IGF1R: variants seen among roughly 807,000 people sequenced by gnomAD.
IGF1R encodes the protein insulin-like growth factor 1 receptor.
In IGF1R, 44 loss-of-function variants were observed where a neutral mutation model predicts 144.6. That is an observed-to-expected ratio of 0.30 (90% CI 0.24 to 0.39). IGF1R has a LOEUF of 0.39. IGF1R is among the 10% of genes least tolerant of loss of function. The pLI is 1.00. For synonymous variants in IGF1R, 795 were observed against 722.8 expected, an observed-to-expected ratio of 1.10 and a Z score of -1.60; for missense variants, 1,355 against 1,833.7, an observed-to-expected ratio of 0.74 and a Z score of 4.77.
rs547086851 is a variant in IGF1R at position 98,818,614 on chromosome 15, G to A, written c.641-72711G>A. On this transcript the variant is annotated intron_variant, in intron 2 of 20. Coordinates refer to ENST00000650285, the MANE Select transcript of IGF1R (RefSeq NM_000875.5). ...GGTAGGGGTGCAGTCCTGAACCAGT[G>A]CCAGGTTTCTCAGCATTGGCACTGT... Among the ~76,000 whole-genome samples, 234 of 152,156 alleles carry A rather than the reference G, an allele frequency of 1.5e-3. 2 individuals are homozygous for A. The highest frequency in any genetic ancestry group is 5.3e-3 in the African/African-American group (218 of 41,490).
At chr15:98,817,174 T>C (rs1263059375) in intron 2 of IGF1R, among the ~76,000 whole-genome samples, 2 of 152,012 alleles carry the variant, frequency 1.3e-5, no homozygotes, top group Non-Finnish European at 2.9e-5. Flanking sequence ...TGGTGGCCCA[T>C]GCTTGTAATC....
chr15:98,781,783 G>A (rs1252921171), intron 2 of IGF1R, among the ~76,000 whole-genome samples: 1 of 152,142 alleles, frequency 6.6e-6, no homozygotes, highest in African/African-American at 2.4e-5. Context: ...GGGTACTGGG[G>A]CTATATTGAG....
chr15:98,768,613 T>G (rs2055497189), intron 2 of IGF1R, among the ~76,000 whole-genome samples: 1 of 21,942 alleles, frequency 4.6e-5, no homozygotes, highest in Admixed American at 8.5e-4. Flanking sequence ...AGACTCCATC[T>G]CAAAAAAAAA....
At chr15:98,774,550 T>C (rs1410902936) in intron 2 of IGF1R, among the ~76,000 whole-genome samples, 1 of 152,180 alleles carries the variant, frequency 6.6e-6, no homozygotes, top group African/African-American at 2.4e-5. Flanking sequence ...TGCAACAGCG[T>C]GAATGAACCT....
chr15:98,709,191 T>C (rs1232561939), intron 2 of IGF1R, among the ~76,000 whole-genome samples: 1 of 152,150 alleles, frequency 6.6e-6, no homozygotes, highest in African/African-American at 2.4e-5. Context: ...AAACCCCAAA[T>C]TGTTAGACTT....
chr15:98,924,736 C>T lies in IGF1R; in HGVS notation c.2782+52C>T, dbSNP rs192655711. 5.2e-5 allele frequency: 79 copies of T among 1,532,636 alleles called. No homozygotes were observed. In the East Asian group the frequency reaches 1.6e-3, roughly 30 times the overall value. The allele number at this position is 1,532,636 out of a possible 1,614,324, so 94.9% of individuals were successfully genotyped here. ...GTGGTAAAACTGAAAGCAGGGTGGT[C>T]CAGGATCAGGACAGCCCGAGTGTTC... On this transcript the variant is annotated intron_variant, in intron 13 of 20. Transcript: ENST00000650285.
At chr15:98,782,852 A>G (rs546243832) in intron 2 of IGF1R, among the ~76,000 whole-genome samples, 6 of 152,342 alleles carry the variant, frequency 3.9e-5, no homozygotes, top group African/African-American at 1.2e-4. Flanking sequence ...TTCATAGTAT[A>G]TAATCCTAAA....
At chr15:98,775,183 G>A (rs1439059018) in intron 2 of IGF1R, among the ~76,000 whole-genome samples, 1 of 152,190 alleles carries the variant, frequency 6.6e-6, no homozygotes, top group Non-Finnish European at 1.5e-5. Context: ...AGCTGGGTCA[G>A]GCCAAGTCCT....
At chr15:98,884,145 C>T (rs951146977) in intron 2 of IGF1R, among the ~76,000 whole-genome samples, 1 of 152,130 alleles carries the variant, frequency 6.6e-6, no homozygotes, top group Non-Finnish European at 1.5e-5. Flanking sequence ...TGCTAGGCCC[C>T]TGTGAACGGT....
chr15:98,768,813 A>T (rs1171929310), intron 2 of IGF1R, among the ~76,000 whole-genome samples: 2 of 148,806 alleles, frequency 1.3e-5, no homozygotes, highest in Non-Finnish European at 3.0e-5. Context: ...CTGTAGTCCC[A>T]GCTACTCGGG....
At chr15:98,948,441 G>A (rs888819579) in intron 19 of IGF1R, 133 bp from the exon 20 acceptor site, 17 of 932,374 alleles carry the variant, frequency 1.8e-5, no homozygotes, top group Admixed American at 3.4e-5. Context: ...GGCCTGGCTC[G>A]CTGTCTGACA....
At chr15:98,733,192 A>G (rs918238348) in intron 2 of IGF1R, among the ~76,000 whole-genome samples, 10 of 152,104 alleles carry the variant, frequency 6.6e-5, no homozygotes, top group African/African-American at 2.2e-4. Flanking sequence ...CTCCAATAAA[A>G]GGGGTTGTTT....
At chr15:98,656,866 T>G (rs975588535) in intron 1 of IGF1R, among the ~76,000 whole-genome samples, 3 of 152,270 alleles carry the variant, frequency 2.0e-5, no homozygotes, top group Non-Finnish European at 4.4e-5. Context: ...TGTATACTTT[T>G]GTTCAACCAT....
At position 98,690,257 on chromosome 15, in the gene IGF1R, C is replaced by T. The variant is rs147739946; in HGVS notation, c.95-17305C>T. ...ACTCAGGAGGCTGAGGCAGGAGGAT[C>T]CCTTGAGCCTAAGAGGTCAAGGCTG... On this transcript the variant is annotated intron_variant, in intron 1 of 20. Transcript: ENST00000650285. Among the ~76,000 whole-genome samples, 12 of 152,280 alleles carry T rather than the reference C, an allele frequency of 7.9e-5. 1 individual carries two copies. The East Asian group carries it at 2.3e-3, about 29-fold the overall frequency.
intron 6 of IGF1R, among the ~76,000 whole-genome samples, chr15:98,910,136 A>G (rs2014943683): frequency 6.6e-6 from 1 of 152,118 alleles, no homozygotes; most frequent in Non-Finnish European, 1.5e-5. Flanking sequence ...GGGGGATCTT[A>G]GAGGGAAGCA....
chr15:98,954,487 G>A (rs560973047), intron 20 of IGF1R: 6 of 152,282 alleles, frequency 3.9e-5, no homozygotes, highest in Admixed American at 1.3e-4. Flanking sequence ...TTGTGTGTGT[G>A]GAAATAGTAA....
At chr15:98,763,427 C>T (rs2055357023) in intron 2 of IGF1R, among the ~76,000 whole-genome samples, 1 of 151,330 alleles carries the variant, frequency 6.6e-6, no homozygotes, top group South Asian at 2.1e-4. Flanking sequence ...GCAACAGTCA[C>T]CGTGGTACAC....
At chr15:98,934,152 T>C (rs2016052256) in intron 15 of IGF1R, among the ~76,000 whole-genome samples, 1 of 151,136 alleles carries the variant, frequency 6.6e-6, no homozygotes, top group Non-Finnish European at 1.5e-5. Context: ...TGAAATCCCA[T>C]GTGCATGTCT....
chr15:98,664,802 C>G (rs1425984626), intron 1 of IGF1R, among the ~76,000 whole-genome samples: 3 of 151,192 alleles, frequency 2.0e-5, no homozygotes, highest in Non-Finnish European at 4.4e-5. Context: ...TAGGAGTTAG[C>G]TGATACTATT....
Sources: allele counts gnomAD v4.1 joint callset (sites outside exome capture counted in the v4.1 genomes callset), GRCh38; gene constraint gnomAD v4.1.1; transcripts MANE v1.5; gene names NCBI Gene and HGNC (gene_info 2026-07-23, HGNC 2026-07-21).